DST: variants seen among roughly 807,000 people sequenced by gnomAD.
DST encodes bullous pemphigoid antigen.
Under a neutral mutation model 875.2 loss-of-function variants are expected in DST, and 253 were observed. The ratio of observed to expected loss-of-function variants is 0.29; its 90% CI spans 0.26 to 0.32. DST has a LOEUF of 0.32. Among genes scored for constraint, DST ranks in the 10% least tolerant of loss-of-function variants. DST has a pLI of 1.00. For synonymous variants in DST, 3,124 were observed against 3,197.1 expected (o/e 0.98, Z 0.77); for missense variants, 8,287 against 9,111.6 (o/e 0.91, Z 3.68).
chr6:56,694,104 CTAGT>C (rs2099249060), intron 9 of DST, among the ~76,000 whole-genome samples: 1 of 148,950 alleles, frequency 6.7e-6, no homozygotes, highest in Non-Finnish European at 1.5e-5. Flanking sequence ...TAATCATACC[CTAGT>C]TAAATATTAT....
intron 71 of DST, 127 bp from the exon 72 acceptor site, chr6:56,515,795 A>G (rs2096575200): frequency 1.2e-5 from 8 of 648,744 alleles, no homozygotes; most frequent in Non-Finnish European, 2.1e-5. Context: ...AAATGAATAC[A>G]TCAGTAAAAG....
intron 47 of DST, among the ~76,000 whole-genome samples, chr6:56,595,598 TG>T: frequency 6.6e-6 from 1 of 152,272 alleles, no homozygotes; most frequent in South Asian, 2.1e-4. Context: ...AGCACTGCTA[TG>T]GGGCAGCCGT....
At position 56,634,483 on chromosome 6, in the gene DST, T is replaced by G; in HGVS notation, c.3473A>C (p.Glu1158Ala). 1.2e-6 allele frequency: 2 copies of G among 1,614,186 alleles called. No individual in the cohort carries two copies. Among genetic ancestry groups the G allele is most frequent in the Non-Finnish European group, 1.7e-6 (2 of 1,180,028 alleles). The change falls in exon 26 of 104, where the codon GAA becomes GCA. Residue 1158 changes from glutamate to alanine, a missense_variant. Around this residue, in one of 10 missense-constraint regions of DST, gnomAD observed 1,160 missense variants for 1,424.3 expected, o/e 0.81. Transcript: ENST00000680361. ...VCFTVPPPNK[E>A]AVDLANRIEQ... is the part of the protein sequence containing the mutation. ...AAACCTGTTGGCAAGGTCCACCGCT[T>G]CTTTGTTTGGTGGAGGAACGGTGAA...
chr6:56,625,032 A>T (rs2098721231), intron 35 of DST, 125 bp downstream of exon 35: 1 of 740,236 alleles, frequency 1.4e-6, no homozygotes, highest in East Asian at 2.7e-5. Flanking sequence ...TAAACTGTAC[A>T]TTTAAAATTG....
rs973246485 is a variant in DST at position 56,592,123 on chromosome 6, G to C, written c.12903+59C>G. On this transcript the variant is annotated intron_variant, in intron 49 of 103. Coordinates refer to ENST00000680361, the MANE Select transcript of DST (RefSeq NM_001374736.1). ...AGCTGAAACTATCACAAAAGTGTGA[G>C]AAATTGGAAGCCTTTCAGTAAGACT... 9 of 1,482,484 alleles carry C rather than the reference G, an allele frequency of 6.1e-6. No homozygotes were observed. The Admixed American group carries it at 1.6e-4, about 26-fold the overall frequency. The allele number at this position is 1,482,484 out of a possible 1,614,324, so 91.8% of individuals were successfully genotyped here.
intron 5 of DST, among the ~76,000 whole-genome samples, chr6:56,727,760 G>T (rs1311671631): frequency 6.6e-6 from 1 of 152,196 alleles, no homozygotes; most frequent in East Asian, 1.9e-4. Context: ...CTAGCATATT[G>T]CTTTCTTTCT....
chr6:56,627,982 G>T lies in DST; in HGVS notation c.4638+17C>A. ...AATGCAGACATAACCTCAGTAGAGGGAATTATTTTTACATACCTTCTGTTG... is the reference window on the plus strand; with the variant it reads ...AATGCAGACATAACCTCAGTAGAGGTAATTATTTTTACATACCTTCTGTTG... On this transcript the variant is annotated intron_variant, in intron 33 of 103. Transcript: ENST00000680361. The T allele has an allele frequency of 6.2e-7, 1 of 1,612,036 alleles. No individual in the cohort carries two copies. Among genetic ancestry groups the T allele is most frequent in the South Asian group, 1.1e-5 (1 of 91,028 alleles).
At chr6:56,471,309 C>A (rs762404793) in intron 94 of DST, 41 bp from the exon 95 acceptor site, 8 of 1,471,348 alleles carry the variant, frequency 5.4e-6, no homozygotes, top group Non-Finnish European at 7.4e-6. Flanking sequence ...TAATGCTGTA[C>A]TAAAATTGTA....
Position 56,606,868 on chromosome 6 carries a change from G to C in DST, c.7760C>G (p.Ala2587Gly), listed in dbSNP as rs1372152685. 2 of 1,613,122 alleles carry C rather than the reference G, an allele frequency of 1.2e-6. No individual in the cohort carries two copies. The highest frequency in any genetic ancestry group is 8.5e-7 in the Non-Finnish European group (1 of 1,179,524). The change falls in exon 40 of 104, where the codon GCT (alanine) becomes GGT (glycine). Residue 2587 changes from alanine (A) to glycine (G), a missense_variant. By Grantham distance (60) the Ala-to-Gly change is moderately conservative. Coordinates refer to ENST00000680361, the MANE Select transcript of DST (RefSeq NM_001374736.1). ...CAGCAGTGACGTTTCATAGTCACTA[G>C]CACTGATGGTTTCATCAAGCAATGG... ...ATPLLDETIS[A>G]SDYETSLLND... is the part of the protein sequence containing the mutation.
chr6:56,520,270 T>G (rs952659165), intron 69 of DST, among the ~76,000 whole-genome samples: 1 of 151,938 alleles, frequency 6.6e-6, no homozygotes, highest in Non-Finnish European at 1.5e-5. Context: ...ACAACAAAAG[T>G]CCTAATATTC....
chr6:56,926,332 A>C (rs1807067107), intron 2 of DST, among the ~76,000 whole-genome samples: 1 of 152,244 alleles, frequency 6.6e-6, no homozygotes, highest in Non-Finnish European at 1.5e-5. Flanking sequence ...TGGAAACAAA[A>C]GAGAATAAAC....
intron 54 of DST, among the ~76,000 whole-genome samples, 181 bp downstream of exon 54, chr6:56,569,675 T>C (rs983506074): frequency 2.0e-5 from 3 of 152,212 alleles, no homozygotes; most frequent in African/African-American, 7.2e-5. Flanking sequence ...TGAAAATTTA[T>C]GTCCTTTTCC....
At chr6:56,861,787 G>A (rs1771291919) in intron 3 of DST, 1 of 152,162 alleles carries the variant, frequency 6.6e-6, no homozygotes, top group South Asian at 2.1e-4. Flanking sequence ...AGGCACAAAT[G>A]TTCCCTCCCA....
chr6:56,524,065 G>A (rs2152501595), intron 69 of DST, among the ~76,000 whole-genome samples: 1 of 152,218 alleles, frequency 6.6e-6, no homozygotes, highest in African/African-American at 2.4e-5. Context: ...TTTCATGGAT[G>A]TAGTTATTGG....
At position 56,608,670 on chromosome 6, in the gene DST, C is replaced by A. The variant is rs1366739699; in HGVS notation, c.5958G>T (p.Leu1986Phe). 6 of 1,613,058 alleles carry A rather than the reference C, an allele frequency of 3.7e-6. No individual in the cohort carries two copies. The highest frequency in any genetic ancestry group is 5.1e-6 in the Non-Finnish European group (6 of 1,179,586). Reference sequence around the variant, plus strand: ...CTCCAGAAAGAAGCTGTGCACTTAACAACCTAAACATGGTTTCACGGTCTA... The same window carrying A: ...CTCCAGAAAGAAGCTGTGCACTTAAAAACCTAAACATGGTTTCACGGTCTA... ...GLIDRETMFR[L>F]LSAQLLSGGL... Residue 1986 changes from leucine to phenylalanine, a missense_variant, in exon 40 of 104, where the codon TTG (leucine) becomes TTT (phenylalanine). By Grantham distance (22) the Leu-to-Phe change is conservative. Around this residue, in one of 10 missense-constraint regions of DST, gnomAD observed 3,138 missense variants for 3,116.6 expected, o/e 1.01. Coordinates refer to ENST00000680361, the MANE Select transcript of DST (RefSeq NM_001374736.1).
Position 56,605,497 on chromosome 6 carries a change from A to C in DST, c.9131T>G (p.Ile3044Arg). Residue 3044 changes from isoleucine to arginine, a missense_variant, in exon 40 of 104, where the codon ATA becomes AGA. Ile to Arg is a moderately conservative substitution (Grantham distance 97, BLOSUM62 -3). Coordinates refer to ENST00000680361, the MANE Select transcript of DST (RefSeq NM_001374736.1). ...TTTCTGAATTGATGTTTCATCTTCTATTAGAATATCACTTTTGCCATCTCT... is the reference window on the plus strand; with the variant it reads ...TTTCTGAATTGATGTTTCATCTTCTCTTAGAATATCACTTTTGCCATCTCT... ...KGRDGKSDIL[I>R]EDETSIQKMY... is the part of the protein sequence containing the mutation. 6.2e-7 allele frequency: 1 copy of C among 1,612,940 alleles called. No individual in the cohort carries two copies. Among genetic ancestry groups the C allele is most frequent in the South Asian group, 1.1e-5 (1 of 91,050 alleles).
Position 56,794,944 on chromosome 6 carries a change from A to G in DST, c.625+56453T>C, listed in dbSNP as rs144207688. Among the ~76,000 whole-genome samples, 208 of 152,288 alleles carry G rather than the reference A, an allele frequency of 1.4e-3. 4 individuals carry two copies. The East Asian group carries it at 0.033, about 24-fold the overall frequency. On this transcript the variant is annotated intron_variant, in intron 4 of 103. Transcript: ENST00000680361. ...CCAGCCAGATCCTATGGTAAAGGCTAAGGTTGAGAAGTCCACCACACAGAT... is the reference window on the plus strand; with the variant it reads ...CCAGCCAGATCCTATGGTAAAGGCTGAGGTTGAGAAGTCCACCACACAGAT...
At chr6:56,492,894 G>T in intron 84 of DST, 40 bp downstream of exon 84, 3 of 1,369,192 alleles carry the variant, frequency 2.2e-6, no homozygotes, top group Non-Finnish European at 9.7e-7. Context: ...AAAGCCTGGT[G>T]TCTGAAAAGA....
intron 4 of DST, among the ~76,000 whole-genome samples, chr6:56,759,470 A>T (rs553849203): frequency 1.3e-4 from 20 of 152,294 alleles, no homozygotes; most frequent in African/African-American, 4.8e-4. Flanking sequence ...AAATAAATAA[A>T]TCAAAAACCA....
Sources: allele counts gnomAD v4.1 joint callset (sites outside exome capture counted in the v4.1 genomes callset), GRCh38; gene constraint gnomAD v4.1.1; regional missense constraint gnomAD v4.1.1; transcripts MANE v1.5; gene names NCBI Gene and HGNC (gene_info 2026-07-23, HGNC 2026-07-21).